Variants in STON2 observed in about 807,000 individuals in gnomAD.
STON2 encodes the protein stonin-2.
A neutral mutation model predicts 65.7 loss-of-function variants in STON2; 29 were observed. That is an observed-to-expected ratio of 0.44 (90% confidence interval 0.33 to 0.60). The LOEUF (loss-of-function observed/expected upper bound fraction) is 0.60, where lower values mean the gene tolerates loss of function less well. Ranked by LOEUF, STON2 falls within the 20% of genes least tolerant of loss-of-function variation. The pLI, the probability that STON2 is intolerant of heterozygous loss-of-function variation, is 0.03. For missense variants in STON2, 1,054 were observed against 1,118.1 expected, an observed-to-expected ratio of 0.94 and a Z score of 0.82; for synonymous variants, 404 against 414.2, an observed-to-expected ratio of 0.98 and a Z score of 0.30.
chr14:81,375,547 T>C (rs986960208), intron 3 of STON2, among the ~76,000 whole-genome samples: 1 of 151,972 alleles, frequency 6.6e-6, no homozygotes, highest in Non-Finnish European at 1.5e-5. Context: ...AATGCAAAAA[T>C]TGACAGAACT....
intron 5 of STON2, among the ~76,000 whole-genome samples, chr14:81,284,265 G>A (rs1432616966): frequency 6.6e-6 from 1 of 152,194 alleles, no homozygotes; most frequent in Non-Finnish European, 1.5e-5. Flanking sequence ...AGTAAGCTTA[G>A]TGAACAAGGC....
At chr14:81,279,638 C>T (rs1327991198) in intron 5 of STON2, among the ~76,000 whole-genome samples, 1 of 151,592 alleles carries the variant, frequency 6.6e-6, no homozygotes, top group Non-Finnish European at 1.5e-5. Flanking sequence ...TAGAAGTCAG[C>T]GGAGATTGTG....
At chr14:81,293,676 G>T (rs1300679164) in intron 5 of STON2, among the ~76,000 whole-genome samples, 5 of 152,132 alleles carry the variant, frequency 3.3e-5, no homozygotes, top group Non-Finnish European at 1.5e-5. Context: ...GTGCACTGGG[G>T]CTTGCCTTCT....
chr14:81,416,693 A>T (rs1462731907), intron 2 of STON2, among the ~76,000 whole-genome samples: 1 of 152,184 alleles, frequency 6.6e-6, no homozygotes, highest in East Asian at 1.9e-4. Context: ...TGGTGTGGCC[A>T]AGTCATCTGG....
chr14:81,418,791 T>C (rs1449536452), intron 2 of STON2, among the ~76,000 whole-genome samples: 3 of 152,216 alleles, frequency 2.0e-5, no homozygotes, highest in African/African-American at 7.2e-5. Context: ...TATAAAGTTA[T>C]TTGCAAAGAC....
In STON2 at chr14:81,412,023, G is replaced by A. The variant is rs1477862233; in HGVS notation, c.-198-13443C>T. Reference sequence around the variant, plus strand: ...GAACCAAAGACACAGAGTCTGAGATGAGAAAAACAAATAAACAAATCCAGA... The same window carrying A: ...GAACCAAAGACACAGAGTCTGAGATAAGAAAAACAAATAAACAAATCCAGA... On this transcript the variant is annotated intron_variant, in intron 2 of 8. Coordinates refer to the STON2 transcript ENST00000553821. Among the ~76,000 whole-genome samples, 4 of 139,740 alleles carry A rather than the reference G, an allele frequency of 2.9e-5. 1 individual carries two copies. Among genetic ancestry groups the A allele is most frequent in the African/African-American group, 1.2e-4 (4 of 34,030 alleles). The allele number at this position is 139,740 out of a possible 152,430, so 91.7% of individuals were successfully genotyped here. A position where few individuals can be genotyped will look rare whatever the true frequency, so the allele number is the denominator to read the frequency against.
intron 2 of STON2, among the ~76,000 whole-genome samples, chr14:81,411,624 T>C (rs187020163): frequency 1.3e-3 from 199 of 152,340 alleles, no homozygotes; most frequent in African/African-American, 4.4e-3. Flanking sequence ...GGAGAATCGC[T>C]TGAACCCGGG....
intron 3 of STON2, among the ~76,000 whole-genome samples, chr14:81,377,020 G>A (rs1487684523): frequency 6.6e-6 from 1 of 152,074 alleles, no homozygotes; most frequent in East Asian, 1.9e-4. Context: ...GTACGTGGGG[G>A]TGTGTGTGTA....
intron 3 of STON2, among the ~76,000 whole-genome samples, chr14:81,379,074 A>C (rs1414992966): frequency 6.6e-6 from 1 of 152,226 alleles, no homozygotes; most frequent in African/African-American, 2.4e-5. Flanking sequence ...GAAGTAAAAG[A>C]AACATAACTG....
Position 81,398,434 on chromosome 14 carries a change from A to ACAGT in STON2, c.-53_-52insACTG. The ACAGT allele has an allele frequency of 6.8e-7, 1 of 1,476,486 alleles. No homozygotes were observed. The highest frequency in any genetic ancestry group is 9.5e-7 in the Non-Finnish European group (1 of 1,055,598). 91.5% of individuals were successfully genotyped at this position (1,476,486 alleles called of 1,614,324 possible). On this transcript the variant is annotated 5_prime_UTR_variant, in exon 2 of 8. Transcript: ENST00000614646. ...ACTGCTGACCTCAGGTGAACCCCAGAATACTGTCTGGGGTGGGCTGGAGTA... is the reference window on the plus strand; with the variant it reads ...ACTGCTGACCTCAGGTGAACCCCAGACAGTATACTGTCTGGGGTGGGCTGGAGTA...
intron 5 of STON2, among the ~76,000 whole-genome samples, chr14:81,317,313 C>G (rs971050869): frequency 8.9e-4 from 135 of 152,298 alleles, no homozygotes; most frequent in African/African-American, 3.1e-3. Flanking sequence ...AACCTCCCAC[C>G]AGGCCCCACC....
chr14:81,338,203 C>T (rs1029026775), intron 4 of STON2, among the ~76,000 whole-genome samples: 1 of 152,124 alleles, frequency 6.6e-6, no homozygotes, highest in Admixed American at 6.6e-5. Flanking sequence ...AGCTGGTTGC[C>T]AGGGGAACCA....
At chr14:81,353,769 A>G (rs138456263) in intron 4 of STON2, among the ~76,000 whole-genome samples, 23 of 152,232 alleles carry the variant, frequency 1.5e-4, no homozygotes, top group Non-Finnish European at 2.1e-4. Flanking sequence ...CATAGATCTA[A>G]AACACCTGGG....
intron 5 of STON2, among the ~76,000 whole-genome samples, chr14:81,315,877 C>T (rs1001476812): frequency 2.6e-5 from 4 of 152,078 alleles, no homozygotes; most frequent in South Asian, 2.1e-4. Flanking sequence ...TCCATGTATA[C>T]GGGAGACAAT....
intron 6 of STON2, among the ~76,000 whole-genome samples, chr14:81,273,858 G>A (rs1418789550): frequency 1.3e-5 from 2 of 152,210 alleles, no homozygotes; most frequent in African/African-American, 4.8e-5. Flanking sequence ...GGAGAAGTAG[G>A]CTTCCAGTCA....
At position 81,265,324 on chromosome 14, in the gene STON2, T is replaced by C; in HGVS notation, c.*3090A>G. 2 of 984,470 alleles carry C rather than the reference T, an allele frequency of 2.0e-6. No homozygotes were observed. The highest frequency in any genetic ancestry group is 2.4e-6 in the Non-Finnish European group (2 of 829,196). The allele number at this position is 984,470 out of a possible 1,614,324, so 61.0% of individuals were successfully genotyped here. A position where few individuals can be genotyped will look rare whatever the true frequency, so the allele number is the denominator to read the frequency against. ...CTAAAAACAGTAGAGGGAAAACAAA[T>C]TTGATGAAATTAAGATGTTAGGTTT... On this transcript the variant is annotated 3_prime_UTR_variant, in exon 8 of 8. Coordinates refer to ENST00000614646, the MANE Select transcript of STON2 (RefSeq NM_001394390.1).
intron 3 of STON2, among the ~76,000 whole-genome samples, chr14:81,393,109 A>G (rs990798071): frequency 5.3e-5 from 8 of 152,230 alleles, no homozygotes; most frequent in African/African-American, 9.6e-5. Context: ...CAGTCACAAG[A>G]TAAGATCCTC....
rs1894419459 is a variant in STON2, at chr14:81,267,909, C to T, written c.*505G>A. On this transcript the variant is annotated 3_prime_UTR_variant, in exon 8 of 8. Coordinates refer to ENST00000614646, the MANE Select transcript of STON2 (RefSeq NM_001394390.1). ...ACACCTCAAAAAGGTCTAGTAAGAC[C>T]CAAAGAGGAAATTTGTTTTGCACCT... 2.0e-6 allele frequency: 2 copies of T among 985,362 alleles called. No homozygotes were observed. Among genetic ancestry groups the T allele is most frequent in the South Asian group, 9.4e-5 (2 of 21,284 alleles). 61.0% of individuals were successfully genotyped at this position (985,362 alleles called of 1,614,324 possible). A position where few individuals can be genotyped will look rare whatever the true frequency, so the allele number is the denominator to read the frequency against.
intron 5 of STON2, among the ~76,000 whole-genome samples, chr14:81,286,192 A>G (rs1895326745): frequency 6.6e-6 from 1 of 152,252 alleles, no homozygotes; most frequent in Non-Finnish European, 1.5e-5. Context: ...AATATGTTTA[A>G]AAATAATATT....
Sources: gnomAD v4.1 joint callset for allele counts (sites outside exome capture counted in the v4.1 genomes callset) on GRCh38, gnomAD v4.1.1 for gene constraint, MANE v1.5 for transcripts, NCBI Gene and HGNC (gene_info 2026-07-23, HGNC 2026-07-21) for gene names.